Variants in NRG1 observed in about 807,000 individuals in gnomAD.
NRG1 encodes pro-neuregulin-1, membrane-bound isoform.
Under a neutral mutation model 63.8 loss-of-function variants are expected in NRG1, and 18 were observed. The ratio of observed to expected loss-of-function variants is 0.28; its 90% CI spans 0.19 to 0.42. The LOEUF (loss-of-function observed/expected upper bound fraction) is 0.42. NRG1 is among the 10% of genes least tolerant of loss of function. The pLI is 1.00. For synonymous variants in NRG1, 302 were observed against 301.3 expected (o/e 1.00, Z -0.02); for missense variants, 762 against 814.7 (o/e 0.94, Z 0.79).
chr8:32,017,153 C>T (rs558258384), intron 1 of NRG1, among the ~76,000 whole-genome samples: 1 of 152,122 alleles, frequency 6.6e-6, no homozygotes, highest in Non-Finnish European at 1.5e-5. Context: ...AGTTGACATT[C>T]AGAAAAAGTA....
intron 1 of NRG1, among the ~76,000 whole-genome samples, chr8:32,101,121 A>AT (rs1358354239): frequency 2.6e-5 from 4 of 152,178 alleles, no homozygotes; most frequent in Non-Finnish European, 5.9e-5. Flanking sequence ...TAACCAACCT[A>AT]TTTTGGTCTA....
At chr8:32,277,386 C>A (rs1167907241) in intron 1 of NRG1, among the ~76,000 whole-genome samples, 1 of 152,062 alleles carries the variant, frequency 6.6e-6, no homozygotes, top group Non-Finnish European at 1.5e-5. Flanking sequence ...CTTCACTTGG[C>A]ATAGAAATTA....
At chr8:31,862,601 C>T (rs1233309983) in intron 1 of NRG1, among the ~76,000 whole-genome samples, 2 of 152,128 alleles carry the variant, frequency 1.3e-5, no homozygotes, top group Non-Finnish European at 2.9e-5. Context: ...TTAATGACTT[C>T]CATTTTATTT....
rs545564208 is a variant in NRG1, at chr8:31,869,847, C to T, written c.37+230416C>T. Among the ~76,000 whole-genome samples, 4 of 152,226 alleles carry T rather than the reference C, an allele frequency of 2.6e-5. No individual in the cohort carries two copies. In the East Asian group the frequency reaches 7.7e-4, roughly 29 times the overall value. Reference sequence around the variant, plus strand: ...TCAGTATGCATTGAACATGCGCATCCATGAGAAAATAGTATGATAAAGAAA... The same window carrying T: ...TCAGTATGCATTGAACATGCGCATCTATGAGAAAATAGTATGATAAAGAAA... On this transcript the variant is annotated intron_variant, in intron 1 of 10. Transcript: ENST00000519301.
intron 1 of NRG1, among the ~76,000 whole-genome samples, chr8:32,373,941 C>A (rs1486593843): frequency 6.6e-6 from 1 of 152,084 alleles, no homozygotes; most frequent in East Asian, 1.9e-4. Context: ...GACAAGAAGA[C>A]AAAACCTTCA....
intron 1 of NRG1, among the ~76,000 whole-genome samples, chr8:31,846,939 CTAA>C (rs1826744101): frequency 1.3e-5 from 2 of 152,096 alleles, no homozygotes; most frequent in Admixed American, 1.3e-4. Flanking sequence ...GGTTCATGAA[CTAA>C]TAATAAAGGG....
chr8:32,389,177 G>A (rs1811403371), intron 1 of NRG1, among the ~76,000 whole-genome samples: 1 of 152,086 alleles, frequency 6.6e-6, no homozygotes, highest in African/African-American at 2.4e-5. Flanking sequence ...ACAGGTCCCA[G>A]GGGGAGCTGC....
chr8:32,763,926 C>T, exon 12 of NRG1: 1 of 1,614,022 alleles, frequency 6.2e-7, no homozygotes, highest in African/African-American at 1.3e-5. Flanking sequence ...TCTCGTGACA[C>T]CACCAAGGCT....
At chr8:32,578,161 A>G (rs923822718) in intron 1 of NRG1, among the ~76,000 whole-genome samples, 2 of 151,936 alleles carry the variant, frequency 1.3e-5, no homozygotes, top group African/African-American at 2.4e-5. Context: ...CGCCCGGATA[A>G]TTTTTTGTAT....
At chr8:32,050,883 A>G (rs1821870842) in intron 1 of NRG1, among the ~76,000 whole-genome samples, 1 of 152,224 alleles carries the variant, frequency 6.6e-6, no homozygotes, top group Non-Finnish European at 1.5e-5. Flanking sequence ...GTGGGAAAGT[A>G]GAAAGTATGA....
At chr8:32,088,722 G>A (rs749031286) in intron 1 of NRG1, among the ~76,000 whole-genome samples, 24 of 151,990 alleles carry the variant, frequency 1.6e-4, no homozygotes, top group Non-Finnish European at 2.9e-4. Context: ...GTTTCACCAC[G>A]TTGGCCAGGA....
chr8:31,836,743 A>T (rs924230452), intron 1 of NRG1, among the ~76,000 whole-genome samples: 1 of 152,086 alleles, frequency 6.6e-6, no homozygotes, highest in African/African-American at 2.4e-5. Flanking sequence ...TGCTGTAGAG[A>T]ATAACTTTGG....
chr8:31,849,317 C>T (rs1316797084), intron 1 of NRG1, among the ~76,000 whole-genome samples: 1 of 152,186 alleles, frequency 6.6e-6, no homozygotes, highest in Non-Finnish European at 1.5e-5. Flanking sequence ...TCCCACACCG[C>T]ACAGCTGCAT....
At chr8:31,682,650 TA>T (rs1001278158) in intron 1 of NRG1, among the ~76,000 whole-genome samples, 7 of 151,770 alleles carry the variant, frequency 4.6e-5, no homozygotes, top group Middle Eastern at 3.2e-3. Context: ...ACCAAAATGT[TA>T]AAAAAAATTC....
At chr8:31,976,594 T>C (rs1028712235) in intron 1 of NRG1, among the ~76,000 whole-genome samples, 2 of 152,146 alleles carry the variant, frequency 1.3e-5, no homozygotes, top group African/African-American at 4.8e-5. Flanking sequence ...TTATTACCTT[T>C]CATTATTCCA....
At chr8:32,298,252 A>G (rs558191780) in intron 1 of NRG1, among the ~76,000 whole-genome samples, 1 of 152,210 alleles carries the variant, frequency 6.6e-6, no homozygotes, top group Non-Finnish European at 1.5e-5. Flanking sequence ...TCCAGTTTGG[A>G]AAATCTATTA....
intron 1 of NRG1, among the ~76,000 whole-genome samples, chr8:32,525,041 G>A (rs746201879): frequency 9.2e-5 from 14 of 152,102 alleles, no homozygotes; most frequent in African/African-American, 1.4e-4. Flanking sequence ...CCGATTTACC[G>A]CTGAAACCTT....
At chr8:32,048,446 CATATATAT>C (rs869311093) in intron 1 of NRG1, among the ~76,000 whole-genome samples, 38 of 6,710 alleles carry the variant, frequency 5.7e-3, no homozygotes, top group South Asian at 0.042. Context: ...TATATACATA[CATATATAT>C]ATATATATAT....
chr8:32,036,474 C>T (rs2130570375), intron 1 of NRG1, among the ~76,000 whole-genome samples: 1 of 152,188 alleles, frequency 6.6e-6, no homozygotes, highest in South Asian at 2.1e-4. Flanking sequence ...AAATGTTGCC[C>T]TTTCTTGCTA....
Sources: gnomAD v4.1 joint callset for allele counts (sites outside exome capture counted in the v4.1 genomes callset) on GRCh38, gnomAD v4.1.1 for gene constraint, MANE v1.5 for transcripts, NCBI Gene and HGNC (gene_info 2026-07-23, HGNC 2026-07-21) for gene names.